PKD1: variants seen among roughly 807,000 people sequenced by gnomAD.
The protein encoded by PKD1 is polycystin-1.
PKD1 carries 81 observed loss-of-function variants against 361.7 expected under a neutral mutation model. The observed-to-expected ratio is 0.22, with a 90% CI of 0.19 to 0.27. The LOEUF is 0.27. PKD1 is among the 10% of genes least tolerant of loss of function. PKD1 has a pLI of 1.00. For synonymous variants in PKD1, 3,615 were observed against 2,818.3 expected, an observed-to-expected ratio of 1.28 and a Z score of -8.95; for missense variants, 6,399 against 6,118.3, an observed-to-expected ratio of 1.05 and a Z score of -1.53.
chr16:2,108,595 C>A lies in PKD1; in HGVS notation c.6572G>T (p.Arg2191Leu), dbSNP rs774490045. ...CCCCGGCCGCTGGCAGCTGGCGGTG[C>A]GATACACCTCCCAGCGGTACTCAGT... ...YQTEYRWEVY[R>L]TASCQRPGRP... is the part of the protein sequence containing the mutation. The change falls in exon 15 of 46, where the codon CGC (arginine) becomes CTC (leucine). Residue 2191 changes from arginine to leucine, a missense_variant. Coordinates refer to ENST00000262304, the MANE Select transcript of PKD1 (RefSeq NM_001009944.3). The A allele has an allele frequency of 1.9e-6, 3 of 1,557,962 alleles. No homozygotes were observed. In the South Asian group the frequency reaches 3.5e-5, roughly 18 times the overall value.
chr16:2,133,469 A>G (rs1015789987), intron 1 of PKD1, among the ~76,000 whole-genome samples: 10 of 146,422 alleles, frequency 6.8e-5, no homozygotes, highest in Non-Finnish European at 1.2e-4. Context: ...AACACCTGCC[A>G]GCAGCTGTGA....
At position 2,103,375 on chromosome 16, in the gene PKD1, G is replaced by A. The variant is rs1289850433; in HGVS notation, c.8682C>T (p.Ala2894=). Residue 2894 remains alanine (A), a synonymous_variant, in exon 23 of 46, where the codon GCC becomes GCT. Coordinates refer to ENST00000262304, the MANE Select transcript of PKD1 (RefSeq NM_001009944.3). ...ARGHRSSANS[A]NSVVVQPQAS... ...CCTGGGGCTGGACCACAACGGAGTT[G>A]GCGGAGTTGGCGGAGCTGCGGTGGC... is the stretch of plus-strand genomic sequence containing the variant. 6.2e-7 allele frequency: 1 copy of A among 1,601,292 alleles called. No individual in the cohort carries two copies. Among genetic ancestry groups the A allele is most frequent in the Non-Finnish European group, 8.5e-7 (1 of 1,179,292 alleles).
At chr16:2,104,432 GA>G in intron 22 of PKD1, 65 bp downstream of exon 22, 1 of 1,221,226 alleles carries the variant, frequency 8.2e-7, no homozygotes, top group East Asian at 2.7e-5. Flanking sequence ...CGGTTGGGGG[GA>G]GGAGGGAGGC....
rs2091646199 is a variant in PKD1, at chr16:2,092,588, C to G, written c.11161G>C (p.Glu3721Gln). Residue 3721 changes from glutamate to glutamine, a missense_variant, in exon 39 of 46, where the codon GAG becomes CAG. By Grantham distance (29) the Glu-to-Gln change is conservative. Coordinates refer to ENST00000262304, the MANE Select transcript of PKD1 (RefSeq NM_001009944.3). ...TGGGCCATCCATGGCCAGAGCTCCT[C>G]AGACCTGCCACAGCATCAGTCACAC... Reference protein sequence around the residue: ...SRAFLAITRSEELWPWMAHVL... With the variant: ...SRAFLAITRSQELWPWMAHVL... 1 of 1,604,750 alleles carries G rather than the reference C, an allele frequency of 6.2e-7. No homozygotes were observed. The highest frequency in any genetic ancestry group is 1.3e-5 in the African/African-American group (1 of 74,804).
At chr16:2,125,081 G>A (rs1008856443) in intron 1 of PKD1, among the ~76,000 whole-genome samples, 4 of 152,258 alleles carry the variant, frequency 2.6e-5, no homozygotes, top group African/African-American at 4.8e-5. Context: ...TGGGCCAGCC[G>A]AGCCATGACC....
In PKD1 at chr16:2,089,370, C is replaced by T. The variant is rs2091339624; in HGVS notation, c.*357G>A. On this transcript the variant is annotated 3_prime_UTR_variant, in exon 46 of 46. Transcript: ENST00000262304. ...AGGGGCAGGGTGGCGGCGGTGCAGG[C>T]TAACCCTCCCTGAAGCCAGCAGCCT... The T allele has an allele frequency of 5.1e-6, 2 of 391,338 alleles. No homozygotes were observed. Among genetic ancestry groups the T allele is most frequent in the Admixed American group, 4.1e-5 (1 of 24,352 alleles). The allele number at this position is 391,338 out of a possible 1,614,324, so 24.2% of individuals were successfully genotyped here.
rs200520583 is a variant in PKD1 at position 2,102,857 on chromosome 16, G to C, written c.8905C>G (p.Gln2969Glu). 485 of 1,589,540 alleles carry C rather than the reference G, an allele frequency of 3.1e-4. 3 individuals carry two copies. The highest frequency in any genetic ancestry group is 1.0e-4 in the Non-Finnish European group (118 of 1,171,930). ...ASRRIRPESL[Q>E]GADHRPYTFF... ...GTGTAGGGCCGGTGGTCAGCACCCT[G>C]GAGTGACTCTGGGCGGATCCTCCTG... Residue 2969 changes from glutamine to glutamate, a missense_variant, in exon 24 of 46, where the codon CAG (glutamine) becomes GAG (glutamate). Physicochemically the swap from Gln to Glu is conservative, Grantham distance 29. Coordinates refer to ENST00000262304, the MANE Select transcript of PKD1 (RefSeq NM_001009944.3).
chr16:2,126,200 G>A (rs980680070), intron 1 of PKD1, among the ~76,000 whole-genome samples: 1 of 152,246 alleles, frequency 6.6e-6, no homozygotes, highest in African/African-American at 2.4e-5. Flanking sequence ...AGAACCCGGA[G>A]CCCCTGTACT....
chr16:2,111,366 T>G lies in PKD1; in HGVS notation c.3801A>C (p.Ala1267=). 6 of 1,610,906 alleles carry G rather than the reference T, an allele frequency of 3.7e-6. No individual in the cohort carries two copies. The highest frequency in any genetic ancestry group is 5.1e-6 in the Non-Finnish European group (6 of 1,179,464). ...CACCCACGGTCACTGTGCAGTTCTGTGCCCGCAGGTACACATGCTCCACTG... is the reference window on the plus strand; with the variant it reads ...CACCCACGGTCACTGTGCAGTTCTGGGCCCGCAGGTACACATGCTCCACTG... The part of the protein sequence containing the change: ...EATVEHVYLR[A]QNCTVTVGAA... The change falls in exon 15 of 46, where the codon GCA becomes GCC. Residue 1267 remains alanine (A), a synonymous_variant. Coordinates refer to ENST00000262304, the MANE Select transcript of PKD1 (RefSeq NM_001009944.3).
In PKD1 at chr16:2,118,518, C is replaced by G; in HGVS notation, c.530-56G>C. The G allele has an allele frequency of 7.0e-7, 1 of 1,422,360 alleles. No homozygotes were observed. Among genetic ancestry groups the G allele is most frequent in the Non-Finnish European group, 9.6e-7 (1 of 1,043,810 alleles). 88.1% of individuals were successfully genotyped at this position (1,422,360 alleles called of 1,614,324 possible). The stretch of plus-strand genomic sequence containing the variant: ...CTGCTCCTCCTGGCTCCACCCCACG[C>G]CCCCACATCCGCCCGCCGCACTCAC... On this transcript the variant is annotated intron_variant, in intron 4 of 45. Transcript: ENST00000262304. The surrounding 1 kb of genome is among the most constrained non-coding windows in gnomAD (Gnocchi z 6.0).
In PKD1 at chr16:2,098,013, C is replaced by T. The variant is rs763563760; in HGVS notation, c.10051-29G>A. 244 of 1,342,342 alleles carry T rather than the reference C, an allele frequency of 1.8e-4. No homozygotes were observed. Among genetic ancestry groups the T allele is most frequent in the Middle Eastern group, 1.0e-3 (4 of 3,938 alleles). 83.2% of individuals were successfully genotyped at this position (1,342,342 alleles called of 1,614,324 possible). Reference sequence around the variant, plus strand: ...CAGGACGAGGGCAGTGGTCAGCGGGCGGCAGCTCAGACCTGCTCAGGACAG... The same window carrying T: ...CAGGACGAGGGCAGTGGTCAGCGGGTGGCAGCTCAGACCTGCTCAGGACAG... On this transcript the variant is annotated intron_variant, in intron 30 of 45. Coordinates refer to ENST00000262304, the MANE Select transcript of PKD1 (RefSeq NM_001009944.3).
Position 2,088,710 on chromosome 16 carries a change from GCAGT to G in PKD1, c.*1013_*1016del. The G allele has an allele frequency of 6.9e-7, 1 of 1,447,984 alleles. No homozygotes were observed. The highest frequency in any genetic ancestry group is 2.5e-5 in the East Asian group (1 of 40,204). 89.7% of individuals were successfully genotyped at this position (1,447,984 alleles called of 1,614,324 possible). On this transcript the variant is annotated 3_prime_UTR_variant, in exon 46 of 46. Transcript: ENST00000262304. ...GTGCACAGACATAGAGGCACAGATTGCAGTCAGACAGCTCTTTTATTGACTTTGT... is the reference window on the plus strand; with the variant it reads ...GTGCACAGACATAGAGGCACAGATTGCAGACAGCTCTTTTATTGACTTTGT...
At position 2,105,926 on chromosome 16, in the gene PKD1, C is replaced by T. The variant is rs746482041; in HGVS notation, c.7802G>A (p.Arg2601Gln). ...GATGACGTGCTGGGGATCGGCCTGC[C>T]GCAGCAGCCCTGGGAGCACACTAGC... The part of the protein sequence containing the change: ...LTASVLPGLL[R>Q]QADPQHVIEY... The change falls in exon 20 of 46, where the codon CGG becomes CAG. Residue 2601 changes from arginine (R) to glutamine (Q), a missense_variant. Coordinates refer to ENST00000262304, the MANE Select transcript of PKD1 (RefSeq NM_001009944.3). 5.1e-5 allele frequency: 82 copies of T among 1,597,362 alleles called. No individual in the cohort carries two copies. Among genetic ancestry groups the T allele is most frequent in the East Asian group, 1.3e-4 (6 of 44,898 alleles).
At chr16:2,107,352 A>C (rs2092376225) in intron 16 of PKD1, 1 of 373,216 alleles carries the variant, frequency 2.7e-6, no homozygotes, top group South Asian at 2.2e-5. Flanking sequence ...GCTGGGATGG[A>C]ACCTGCTCCC....
At chr16:2,097,010 A>T in intron 34 of PKD1, 138 bp downstream of exon 34, 1 of 672,770 alleles carries the variant, frequency 1.5e-6, no homozygotes, top group East Asian at 2.7e-5. Flanking sequence ...ACAGAGGTTC[A>T]GAGAAGTGAA....
At position 2,111,249 on chromosome 16, in the gene PKD1, G is replaced by A; in HGVS notation, c.3918C>T (p.Pro1306=). ...CCGTGAGCCGCGCGTCAGGCTGCGTGGGGATGCAGGCGGCGGGTTCAACGC... is the reference window on the plus strand; with the variant it reads ...CCGTGAGCCGCGCGTCAGGCTGCGTAGGGATGCAGGCGGCGGGTTCAACGC... ...VLRVEPAACI[P]TQPDARLTAY... The change falls in exon 15 of 46, where the codon CCC becomes CCT. Residue 1306 remains proline, a synonymous_variant. Coordinates refer to ENST00000262304, the MANE Select transcript of PKD1 (RefSeq NM_001009944.3). 1 of 1,610,472 alleles carries A rather than the reference G, an allele frequency of 6.2e-7. No homozygotes were observed. The highest frequency in any genetic ancestry group is 8.5e-7 in the Non-Finnish European group (1 of 1,179,584).
Position 2,119,154 on chromosome 16 carries a change from C to T in PKD1, c.319G>A (p.Glu107Lys), listed in dbSNP as rs1355372612. 1 of 1,506,526 alleles carries T rather than the reference C, an allele frequency of 6.6e-7. No individual in the cohort carries two copies. Among genetic ancestry groups the T allele is most frequent in the Non-Finnish European group, 9.1e-7 (1 of 1,099,802 alleles). The allele number at this position is 1,506,526 out of a possible 1,614,324, so 93.3% of individuals were successfully genotyped here. A position where few individuals can be genotyped will look rare whatever the true frequency, so the allele number is the denominator to read the frequency against. ...DISNNKISTL[E>K]EGIFANLFNL... ...AATAAATTAGCAAATATTCCTTCTT[C>T]TAACGTAGAAATCTTGTTGTTGCTT... Residue 107 changes from glutamate to lysine, a missense_variant, in exon 3 of 46, where the codon GAA becomes AAA. Coordinates refer to ENST00000262304, the MANE Select transcript of PKD1 (RefSeq NM_001009944.3).
Position 2,106,222 on chromosome 16 carries a change from C to T in PKD1, c.7572G>A (p.Glu2524=). 1.2e-6 allele frequency: 2 copies of T among 1,610,256 alleles called. No homozygotes were observed. The highest frequency in any genetic ancestry group is 1.7e-6 in the Non-Finnish European group (2 of 1,179,570). Residue 2524 remains glutamate, a synonymous_variant, in exon 19 of 46, where the codon GAG becomes GAA. Transcript: ENST00000262304. This position sits in a 1 kb window ranked among gnomAD's most constrained non-coding sequence, Gnocchi z 6.5. ...LRRCRQGHCE[E]FCVYKGSLSS... ...AGAGGCTGCCCTTGTAGACACAGAACTCCTCGCAGTGGCCCTGGCGACAGC... is the reference window on the plus strand; with the variant it reads ...AGAGGCTGCCCTTGTAGACACAGAATTCCTCGCAGTGGCCCTGGCGACAGC...
At position 2,101,391 on chromosome 16, in the gene PKD1, T is replaced by A. The variant is rs2092090536; in HGVS notation, c.9397+670A>T. Among the ~76,000 whole-genome samples the A allele has an allele frequency of 3.9e-5, 6 of 152,214 alleles. No individual in the cohort carries two copies. The South Asian group carries it at 1.2e-3, about 32-fold the overall frequency. On this transcript the variant is annotated intron_variant, in intron 26 of 45. Coordinates refer to ENST00000262304, the MANE Select transcript of PKD1 (RefSeq NM_001009944.3). ...AGCCAGGTGTGGTGGCTCACACCTG[T>A]CATCCCAGCACTCTGGCAGGCCGAG...
Sources: gnomAD v4.1 joint callset for allele counts (sites outside exome capture counted in the v4.1 genomes callset) on GRCh38, gnomAD v4.1.1 for gene constraint, Gnocchi (gnomAD v3.1) non-coding constraint, MANE v1.5 for transcripts, NCBI Gene and HGNC (gene_info 2026-07-23, HGNC 2026-07-21) for gene names.